The following TRAK2 variants were observed in gnomAD, a reference collection of about 807,000 sequenced individuals.
TRAK2 encodes trafficking kinesin-binding protein 2.
TRAK2 carries 81 observed loss-of-function variants against 104.6 expected under a neutral mutation model. The observed-to-expected ratio is 0.77, with a 90% CI of 0.65 to 0.93. The LOEUF (loss-of-function observed/expected upper bound fraction) is 0.93. Among genes scored for constraint, TRAK2 ranks in the 40% least tolerant of loss-of-function variants. The probability of loss-of-function intolerance (pLI) is 0.00; values close to 1 mark genes in which losing one functional copy is unlikely to be tolerated. For synonymous variants in TRAK2, 406 were observed against 394.4 expected (o/e 1.03, Z -0.35); for missense variants, 1,002 against 1,089.0 (o/e 0.92, Z 1.12).
intron 2 of TRAK2, among the ~76,000 whole-genome samples, chr2:201,416,691 A>G (rs13398394): frequency 0.012 from 1,767 of 152,266 alleles, 52 homozygotes; most frequent in African/African-American, 0.04. Context: ...AATATGTAGA[A>G]TGGTAGGGGG....
chr2:201,392,480 C>G (rs905265247), intron 10 of TRAK2, among the ~76,000 whole-genome samples: 3 of 152,008 alleles, frequency 2.0e-5, no homozygotes, highest in African/African-American at 4.8e-5. Flanking sequence ...ATGAATCAAA[C>G]AAAGATGAAT....
At chr2:201,411,671 T>C in intron 2 of TRAK2, 3 of 793,056 alleles carry the variant, frequency 3.8e-6, no homozygotes, top group Non-Finnish European at 6.9e-6. Flanking sequence ...TAAAAGTACA[T>C]TTGTAAATGC....
At position 201,380,962 on chromosome 2, in the gene TRAK2, T is replaced by C. The variant is rs780307250; in HGVS notation, c.2326A>G (p.Thr776Ala). 6.2e-7 allele frequency: 1 copy of C among 1,614,036 alleles called. No individual in the cohort carries two copies. Among genetic ancestry groups the C allele is most frequent in the Non-Finnish European group, 8.5e-7 (1 of 1,179,976 alleles). Residue 776 changes from threonine (T) to alanine (A), a missense_variant, in exon 16 of 16, where the codon ACA (threonine) becomes GCA (alanine). Physicochemically the swap from Thr to Ala is moderately conservative, Grantham distance 58 (BLOSUM62 0). Transcript: ENST00000332624. Reference protein sequence around the residue: ...PLPKSLAIPSTPPNSPSHSPC... With the variant: ...PLPKSLAIPSAPPNSPSHSPC... ...GAGTGAGATGGTGAATTTGGTGGTGTGGAAGGGATAGCCAGGGATTTAGGG... is the reference window on the plus strand; with the variant it reads ...GAGTGAGATGGTGAATTTGGTGGTGCGGAAGGGATAGCCAGGGATTTAGGG...
intron 1 of TRAK2, among the ~76,000 whole-genome samples, chr2:201,443,210 C>G (rs1199577443): frequency 6.6e-6 from 1 of 152,210 alleles, no homozygotes; most frequent in Non-Finnish European, 1.5e-5. Flanking sequence ...CATACCTCAA[C>G]CCCACTACAA....
At chr2:201,450,110 C>T (rs62189254) in intron 1 of TRAK2, among the ~76,000 whole-genome samples, 74,010 of 151,794 alleles carry the variant, frequency 0.49, 19,545 homozygotes, top group South Asian at 0.63. Flanking sequence ...CTGGACATTA[C>T]TTAATTTTAA....
In TRAK2 at chr2:201,451,423, G is replaced by C. The variant is rs930086917; in HGVS notation, c.-273C>G. 5 of 152,178 alleles carry C rather than the reference G, an allele frequency of 3.3e-5. No individual in the cohort carries two copies. Among genetic ancestry groups the C allele is most frequent in the African/African-American group, 1.2e-4 (5 of 41,468 alleles). 9.4% of individuals were successfully genotyped at this position (152,178 alleles called of 1,614,324 possible). A position where few individuals can be genotyped will look rare whatever the true frequency, so the allele number is the denominator to read the frequency against. ...CCCCTAATGCAGCGGCAGCCTGAAAGCAGCAGCCGAAGCTGCTGCCGCTGC... is the reference window on the plus strand; with the variant it reads ...CCCCTAATGCAGCGGCAGCCTGAAACCAGCAGCCGAAGCTGCTGCCGCTGC... On this transcript the variant is annotated 5_prime_UTR_variant, in exon 1 of 16. Coordinates refer to ENST00000332624, the MANE Select transcript of TRAK2 (RefSeq NM_015049.3).
chr2:201,419,998 T>C (rs192126802), intron 2 of TRAK2, among the ~76,000 whole-genome samples: 3 of 151,954 alleles, frequency 2.0e-5, no homozygotes. Flanking sequence ...CTGCTCAGAG[T>C]TTTTTGATTT....
chr2:201,413,285 C>T, intron 2 of TRAK2: 2 of 1,280,302 alleles, frequency 1.6e-6, no homozygotes, highest in South Asian at 1.3e-5. Context: ...CAGTACTCTT[C>T]AATTTATTAA....
chr2:201,387,093 C>G (rs180884835), intron 13 of TRAK2, among the ~76,000 whole-genome samples: 1 of 152,280 alleles, frequency 6.6e-6, no homozygotes, highest in East Asian at 1.9e-4. Flanking sequence ...GTTATAAAAT[C>G]TTTGAGTTTG....
intron 14 of TRAK2, among the ~76,000 whole-genome samples, chr2:201,384,823 C>A (rs193046615): frequency 6.6e-6 from 1 of 152,092 alleles, no homozygotes; most frequent in Non-Finnish European, 1.5e-5. Context: ...GGATCTTGGC[C>A]GTTGAGTCTT....
intron 1 of TRAK2, among the ~76,000 whole-genome samples, chr2:201,449,620 G>C (rs1202488000): frequency 6.6e-6 from 1 of 151,424 alleles, no homozygotes; most frequent in Non-Finnish European, 1.5e-5. Context: ...CAGTAGCTGG[G>C]ACTGCAGGCA....
At chr2:201,423,571 GTA>G (rs1198448199) in intron 1 of TRAK2, 2 of 152,064 alleles carry the variant, frequency 1.3e-5, no homozygotes, top group Non-Finnish European at 2.9e-5. Context: ...ATTAAAGTTG[GTA>G]TATAGTCCCT....
At position 201,384,119 on chromosome 2, in the gene TRAK2, A is replaced by G; in HGVS notation, c.2061T>C (p.Val687=). The change falls in exon 15 of 16, where the codon GTT becomes GTC. Residue 687 remains valine (V), a synonymous_variant. Coordinates refer to ENST00000332624, the MANE Select transcript of TRAK2 (RefSeq NM_015049.3). ...TTCCCAGGCACTCTTACCTGGGGGT[A>G]ACCTGAGTGATGTCAGAGGGATGTA... ...RILHPSDITQ[V]TPSSGFPSLS... is the part of the protein sequence containing the mutation. 6.2e-7 allele frequency: 1 copy of G among 1,610,874 alleles called. No individual in the cohort carries two copies.
intron 1 of TRAK2, among the ~76,000 whole-genome samples, chr2:201,441,709 C>A (rs1281896752): frequency 6.7e-6 from 1 of 150,138 alleles, no homozygotes; most frequent in South Asian, 2.1e-4. Flanking sequence ...TTTTCTCCCC[C>A]GAGACAGAGT....
chr2:201,450,407 C>A (rs1380738200), intron 1 of TRAK2, among the ~76,000 whole-genome samples: 1 of 151,468 alleles, frequency 6.6e-6, no homozygotes, highest in Non-Finnish European at 1.5e-5. Flanking sequence ...GAGCGAGACT[C>A]TGTCTTAAAA....
In TRAK2 at chr2:201,379,941, A is replaced by C. The variant is rs192116645; in HGVS notation, c.*602T>G. 2 of 152,382 alleles carry C rather than the reference A, an allele frequency of 1.3e-5. No homozygotes were observed. Among genetic ancestry groups the C allele is most frequent in the African/African-American group, 4.8e-5 (2 of 41,532 alleles). The allele number at this position is 152,382 out of a possible 1,614,324, so 9.4% of individuals were successfully genotyped here. A position where few individuals can be genotyped will look rare whatever the true frequency, so the allele number is the denominator to read the frequency against. On this transcript the variant is annotated 3_prime_UTR_variant, in exon 16 of 16. Transcript: ENST00000332624. ...CAAAGGCCTGAAAACAGAAAGGAAA[A>C]TAGGAGTCTCCACCTGTGATTCAAT...
At chr2:201,399,089 CAA>C (rs34295797) in intron 5 of TRAK2, among the ~76,000 whole-genome samples, 1 of 151,816 alleles carries the variant, frequency 6.6e-6, no homozygotes, top group Admixed American at 6.6e-5. Flanking sequence ...AGATCACACA[CAA>C]AGTCTACACA....
chr2:201,405,671 G>A (rs557706622), intron 3 of TRAK2, among the ~76,000 whole-genome samples: 47 of 152,288 alleles, frequency 3.1e-4, no homozygotes, highest in African/African-American at 1.1e-3. Context: ...TTATCCAGAT[G>A]AAATTTCAGT....
chr2:201,397,118 T>C (rs1951509538), intron 7 of TRAK2, among the ~76,000 whole-genome samples: 1 of 152,208 alleles, frequency 6.6e-6, no homozygotes, highest in African/African-American at 2.4e-5. Flanking sequence ...ACTCATTGAT[T>C]GTTAGGTTTT....
Sources: gnomAD v4.1 joint callset for allele counts (sites outside exome capture counted in the v4.1 genomes callset) on GRCh38, gnomAD v4.1.1 for gene constraint, MANE v1.5 for transcripts, NCBI Gene and HGNC (gene_info 2026-07-23, HGNC 2026-07-21) for gene names.